Variants in GMDS observed in about 807,000 individuals in gnomAD.
The protein encoded by GMDS is GDP-mannose 4,6 dehydratase.
A neutral mutation model predicts 49.9 loss-of-function variants in GMDS; 20 were observed. The ratio of observed to expected loss-of-function variants is 0.40; its 90% CI spans 0.28 to 0.58. The LOEUF is 0.58. Among genes scored for constraint, GMDS ranks in the 20% least tolerant of loss-of-function variants. GMDS has a pLI of 0.42. For synonymous variants in GMDS, 177 were observed against 178.6 expected (o/e 0.99, Z 0.07); for missense variants, 362 against 481.4 (o/e 0.75, Z 2.32).
intron 9 of GMDS, among the ~76,000 whole-genome samples, chr6:1,630,591 T>C (rs1762969908): frequency 2.6e-5 from 4 of 152,218 alleles, no homozygotes; most frequent in Non-Finnish European, 1.5e-5. Flanking sequence ...TGGGAAGCTT[T>C]TGGGGAGCTG....
chr6:2,216,785 C>T (rs780443481), intron 1 of GMDS, among the ~76,000 whole-genome samples: 1 of 152,174 alleles, frequency 6.6e-6, no homozygotes, highest in Admixed American at 6.5e-5. Flanking sequence ...ATCCCTTTTA[C>T]ACTGCATTTA....
chr6:1,644,855 GGCTTAGTGAGTAACTT>G (rs1248540912), intron 9 of GMDS, among the ~76,000 whole-genome samples: 1 of 152,126 alleles, frequency 6.6e-6, no homozygotes, highest in Non-Finnish European at 1.5e-5. Flanking sequence ...AGGAAGCTGA[GGCTTAGTGAGTAACTT>G]GCCCAGAGTC....
At chr6:1,819,486 T>G (rs1021392800) in intron 7 of GMDS, among the ~76,000 whole-genome samples, 2 of 152,110 alleles carry the variant, frequency 1.3e-5, no homozygotes, top group Non-Finnish European at 2.9e-5. Context: ...TGGGCCTGGG[T>G]GCGGTGGCTC....
chr6:1,641,188 A>G (rs1763320360), intron 9 of GMDS, among the ~76,000 whole-genome samples: 1 of 152,194 alleles, frequency 6.6e-6, no homozygotes, highest in African/African-American at 2.4e-5. Flanking sequence ...ATCCTGAGAC[A>G]TGCTGTCATT....
At chr6:1,663,145 A>G (rs1764132522) in intron 9 of GMDS, among the ~76,000 whole-genome samples, 2 of 152,240 alleles carry the variant, frequency 1.3e-5, no homozygotes, top group Non-Finnish European at 2.9e-5. Flanking sequence ...AGCAGACTGT[A>G]GCTTTTCATA....
intron 1 of GMDS, among the ~76,000 whole-genome samples, chr6:2,212,705 T>A (rs1482955224): frequency 1.2e-5 from 1 of 84,174 alleles, no homozygotes; most frequent in Non-Finnish European, 2.2e-5. Context: ...TAGATTAACT[T>A]GTAAAAAAAA....
intron 4 of GMDS, among the ~76,000 whole-genome samples, chr6:2,036,623 C>G (rs748560041): frequency 1.3e-5 from 2 of 152,192 alleles, no homozygotes; most frequent in Non-Finnish European, 2.9e-5. Context: ...AATGCCAAGA[C>G]AGTGTTAAAC....
chr6:1,698,890 A>T (rs548369507), intron 9 of GMDS, among the ~76,000 whole-genome samples: 2 of 150,756 alleles, frequency 1.3e-5, no homozygotes, highest in South Asian at 4.2e-4. Flanking sequence ...GGCCAAATGG[A>T]ATTCCAACGA....
chr6:1,788,955 C>T (rs1769420946), intron 7 of GMDS, among the ~76,000 whole-genome samples: 2 of 152,186 alleles, frequency 1.3e-5, no homozygotes, highest in African/African-American at 2.4e-5. Flanking sequence ...GCACCAGCCC[C>T]GGTTTGCGGG....
At chr6:2,152,022 A>G (rs1475528148) in intron 1 of GMDS, among the ~76,000 whole-genome samples, 1 of 152,184 alleles carries the variant, frequency 6.6e-6, no homozygotes, top group East Asian at 1.9e-4. Flanking sequence ...ATGTTCTGTT[A>G]GAAAGTCCAT....
At chr6:1,658,894 T>C (rs997476599) in intron 9 of GMDS, among the ~76,000 whole-genome samples, 11 of 152,224 alleles carry the variant, frequency 7.2e-5, no homozygotes, top group African/African-American at 2.4e-4. Context: ...CGTCCTGGAA[T>C]ACCTGAACGG....
At chr6:1,729,027 C>A (rs959009336) in intron 8 of GMDS, among the ~76,000 whole-genome samples, 10 of 151,830 alleles carry the variant, frequency 6.6e-5, no homozygotes, top group Non-Finnish European at 1.5e-4. Context: ...GCTCCAGTTG[C>A]CCACTCCTGC....
intron 4 of GMDS, among the ~76,000 whole-genome samples, chr6:2,010,326 CAA>C (rs201372798): frequency 2.1e-4 from 19 of 90,362 alleles, no homozygotes; most frequent in Non-Finnish European, 2.1e-4. Context: ...GACTCCATCT[CAA>C]AAAAAAAAAA....
intron 6 of GMDS, among the ~76,000 whole-genome samples, chr6:1,954,436 A>T (rs976962374): frequency 6.6e-6 from 1 of 152,264 alleles, no homozygotes; most frequent in African/African-American, 2.4e-5. Flanking sequence ...TCCTTTCAGG[A>T]AAGATTTCTC....
chr6:1,716,970 C>A (rs1257130178), intron 9 of GMDS, among the ~76,000 whole-genome samples: 2 of 152,194 alleles, frequency 1.3e-5, no homozygotes, highest in East Asian at 1.9e-4. Flanking sequence ...AGATGATGCA[C>A]CAGCGTCTTC....
intron 7 of GMDS, among the ~76,000 whole-genome samples, chr6:1,792,223 C>G (rs1464115599): frequency 6.6e-6 from 1 of 151,962 alleles, no homozygotes; most frequent in Non-Finnish European, 1.5e-5. Flanking sequence ...ATCCCCTTTC[C>G]CCACCAGGCT....
intron 7 of GMDS, among the ~76,000 whole-genome samples, chr6:1,780,552 C>A (rs962040941): frequency 2.0e-5 from 3 of 152,176 alleles, no homozygotes; most frequent in Non-Finnish European, 2.9e-5. Flanking sequence ...CAGTTATAAA[C>A]CCTCTCCTTC....
chr6:1,850,870 C>T (rs1757634980), intron 7 of GMDS, among the ~76,000 whole-genome samples: 1 of 152,212 alleles, frequency 6.6e-6, no homozygotes, highest in Non-Finnish European at 1.5e-5. Context: ...GGGCAGCTCA[C>T]TCAGCTGGCA....
At chr6:1,926,565 G>A (rs1762017958) in intron 7 of GMDS, among the ~76,000 whole-genome samples, 1 of 152,200 alleles carries the variant, frequency 6.6e-6, no homozygotes, top group Non-Finnish European at 1.5e-5. Flanking sequence ...TTATTCTAAA[G>A]TTGATTTCAG....
Sources: allele counts gnomAD v4.1 joint callset (sites outside exome capture counted in the v4.1 genomes callset), GRCh38; gene constraint gnomAD v4.1.1; transcripts MANE v1.5; gene names NCBI Gene and HGNC (gene_info 2026-07-23, HGNC 2026-07-21).